The following KIF21B variants were observed in gnomAD, a reference collection of about 807,000 sequenced individuals.
The protein encoded by KIF21B is kinesin family member 21B.
In KIF21B, 85 loss-of-function variants were observed where a neutral mutation model predicts 192.9. The observed-to-expected ratio is 0.44, with a 90% CI of 0.37 to 0.53. The LOEUF is 0.53. KIF21B is among the 20% of genes least tolerant of loss of function. KIF21B has a pLI of 0.00. For missense variants in KIF21B, 1,716 were observed against 2,194.8 expected, an observed-to-expected ratio of 0.78 and a Z score of 4.36; for synonymous variants, 832 against 884.6, an observed-to-expected ratio of 0.94 and a Z score of 1.05.
chr1:200,985,582 A>G lies in KIF21B; in HGVS notation c.3690-610T>C, dbSNP rs556112646. On this transcript the variant is annotated intron_variant, in intron 26 of 34. Coordinates refer to ENST00000461742, the MANE Select transcript of KIF21B (RefSeq NM_001252102.2). ...CCCACTATTTAGCTGTGTGCCACCA[A>G]ACCTCTTAATTAAGTGCATGGACCA... Among the ~76,000 whole-genome samples the G allele has an allele frequency of 3.3e-5, 5 of 152,212 alleles. No homozygotes were observed. In the East Asian group the frequency reaches 9.7e-4, roughly 29 times the overall value.
rs778381570 is a variant in KIF21B at position 200,990,110 on chromosome 1, G to A, written c.3030+28C>T. On this transcript the variant is annotated intron_variant, in intron 20 of 34. Coordinates refer to ENST00000461742, the MANE Select transcript of KIF21B (RefSeq NM_001252102.2). This position sits in a 1 kb window ranked among gnomAD's most constrained non-coding sequence, Gnocchi z 5.4. ...CCTGCCACCCATCTCTCCCGCCTCC[G>A]CCCCAGCAGGCCCAGCCCTGCGGAT... 2.0e-5 allele frequency: 32 copies of A among 1,610,388 alleles called. No individual in the cohort carries two copies. The highest frequency in any genetic ancestry group is 3.3e-4 in the Middle Eastern group (2 of 6,046).
intron 1 of KIF21B, among the ~76,000 whole-genome samples, chr1:201,014,526 G>A (rs962560828): frequency 6.6e-6 from 1 of 152,232 alleles, no homozygotes; most frequent in African/African-American, 2.4e-5. Context: ...ATCTGGGCAC[G>A]TGCTGGGAGC....
Position 200,977,200 on chromosome 1 carries a change from T to C in KIF21B, c.4325+12A>G. 1.2e-6 allele frequency: 2 copies of C among 1,604,566 alleles called. No individual in the cohort carries two copies. Among genetic ancestry groups the C allele is most frequent in the South Asian group, 1.1e-5 (1 of 90,666 alleles). On this transcript the variant is annotated intron_variant, in intron 31 of 34. Transcript: ENST00000461742. The stretch of plus-strand genomic sequence containing the variant: ...TGCCAAACCCTCCTCCCTCCCCAGG[T>C]ATCACGCTGACCTGCTAAGCTCCCA...
rs759787273 is a variant in KIF21B at position 201,000,557 on chromosome 1, G to C, written c.1518C>G (p.Leu506=). ...AGGGGCTCCTAGCCGAGGCCCGTGA[G>C]AGGCTGCGGCGCAGGGACTCGTTCA... ...EAMNESLRRS[L]SRASARSPYS... The change falls in exon 11 of 35, where the codon CTC becomes CTG. Residue 506 remains leucine (L), a synonymous_variant. Coordinates refer to ENST00000461742, the MANE Select transcript of KIF21B (RefSeq NM_001252102.2). The surrounding 1 kb of genome is among the most constrained non-coding windows in gnomAD (Gnocchi z 6.0). 1.2e-6 allele frequency: 2 copies of C among 1,613,276 alleles called. No individual in the cohort carries two copies. The highest frequency in any genetic ancestry group is 1.7e-6 in the Non-Finnish European group (2 of 1,179,718).
intron 3 of KIF21B, among the ~76,000 whole-genome samples, chr1:201,006,540 T>C (rs916974836): frequency 1.3e-5 from 2 of 151,896 alleles, no homozygotes; most frequent in African/African-American, 4.8e-5. Context: ...ATACCCCACA[T>C]GAATGGGGAA....
chr1:201,007,909 C>A (rs943466010), intron 3 of KIF21B, among the ~76,000 whole-genome samples: 1 of 152,166 alleles, frequency 6.6e-6, no homozygotes, highest in Non-Finnish European at 1.5e-5. Flanking sequence ...GTCCATTTAT[C>A]AGAAGCGAAA....
intron 1 of KIF21B, among the ~76,000 whole-genome samples, chr1:201,009,883 T>A (rs1658131177): frequency 6.6e-6 from 1 of 152,174 alleles, no homozygotes. Context: ...TGGCGCCATG[T>A]CCAGGTCTGT....
chr1:201,023,482 C>G lies in KIF21B; in HGVS notation c.-99G>C. ...CGGCTGCGGGAGGCGGGGGCGCGGG[C>G]GCGGCTGGCGGAGGCTGCGGCGGCG... On this transcript the variant is annotated 5_prime_UTR_variant, in exon 1 of 35. Coordinates refer to ENST00000461742, the MANE Select transcript of KIF21B (RefSeq NM_001252102.2). This position sits in a 1 kb window ranked among gnomAD's most constrained non-coding sequence, Gnocchi z 5.9. 2 of 910,528 alleles carry G rather than the reference C, an allele frequency of 2.2e-6. No individual in the cohort carries two copies. Among genetic ancestry groups the G allele is most frequent in the Non-Finnish European group, 2.9e-6 (2 of 696,598 alleles). The allele number at this position is 910,528 out of a possible 1,614,324, so 56.4% of individuals were successfully genotyped here.
chr1:200,977,954 G>A (rs1043122462), intron 30 of KIF21B, among the ~76,000 whole-genome samples: 14 of 151,942 alleles, frequency 9.2e-5, no homozygotes, highest in African/African-American at 2.7e-4. Context: ...GGCTGGTCTC[G>A]AACTCCCGAC....
Position 200,999,764 on chromosome 1 carries a change from C to T in KIF21B, c.1767+119G>A. On this transcript the variant is annotated intron_variant, in intron 12 of 34. Coordinates refer to ENST00000461742, the MANE Select transcript of KIF21B (RefSeq NM_001252102.2). The surrounding 1 kb of genome is among the most constrained non-coding windows in gnomAD (Gnocchi z 4.7). ...AGATATAAGGAAGTACAAGGATCAA[C>T]TGGATGCAGACCCAACCGCCTCCTT... is the stretch of plus-strand genomic sequence containing the variant. 9.6e-7 allele frequency: 1 copy of T among 1,045,286 alleles called. No individual in the cohort carries two copies. Among genetic ancestry groups the T allele is most frequent in the Middle Eastern group, 2.0e-4 (1 of 4,884 alleles). 64.8% of individuals were successfully genotyped at this position (1,045,286 alleles called of 1,614,324 possible).
chr1:200,998,801 A>AG lies in KIF21B; in HGVS notation c.1886-227dup, dbSNP rs1041530480. 7.2e-6 allele frequency among the ~76,000 whole-genome samples: 1 copy of AG among 139,670 alleles called. No homozygotes were observed. Among genetic ancestry groups the AG allele is most frequent in the African/African-American group, 2.7e-5 (1 of 37,360 alleles). The allele number at this position is 139,670 out of a possible 152,430, so 91.6% of individuals were successfully genotyped here. A position where few individuals can be genotyped will look rare whatever the true frequency, so the allele number is the denominator to read the frequency against. ...GGCAAGGTAGGGCTCAGGAGCTGGCAGGGGGGATCTACACGTCCTTCCCAG... is the reference window on the plus strand; with the variant it reads ...GGCAAGGTAGGGCTCAGGAGCTGGCAGGGGGGGATCTACACGTCCTTCCCAG... On this transcript the variant is annotated intron_variant, in intron 13 of 34. Transcript: ENST00000461742. This position sits in a 1 kb window ranked among gnomAD's most constrained non-coding sequence, Gnocchi z 4.3.
rs1217997807 is a variant in KIF21B at position 200,971,950 on chromosome 1, G to C, written c.*1571C>G. 6.6e-6 allele frequency: 1 copy of C among 151,982 alleles called. No homozygotes were observed. The highest frequency in any genetic ancestry group is 1.5e-5 in the Non-Finnish European group (1 of 68,024). 9.4% of individuals were successfully genotyped at this position (151,982 alleles called of 1,614,324 possible). A position where few individuals can be genotyped will look rare whatever the true frequency, so the allele number is the denominator to read the frequency against. ...AGAACCACCTCTGGAAAGTCCAAAAGTCACTGCGTCCTCTGAAGGGAGGTG... is the reference window on the plus strand; with the variant it reads ...AGAACCACCTCTGGAAAGTCCAAAACTCACTGCGTCCTCTGAAGGGAGGTG... On this transcript the variant is annotated 3_prime_UTR_variant, in exon 35 of 35. Transcript: ENST00000461742.
chr1:201,006,875 GAC>G (rs1434979312), intron 3 of KIF21B, among the ~76,000 whole-genome samples: 3 of 140,644 alleles, frequency 2.1e-5, no homozygotes, highest in African/African-American at 5.3e-5. Flanking sequence ...CACACACACA[GAC>G]ACAGAGACAC....
chr1:201,023,336 TCC>T lies in KIF21B; in HGVS notation c.41+5_41+6del, dbSNP rs1658976004. 1.3e-6 allele frequency: 2 copies of T among 1,528,268 alleles called. No homozygotes were observed. The highest frequency in any genetic ancestry group is 2.0e-5 in the Admixed American group (1 of 49,046). The allele number at this position is 1,528,268 out of a possible 1,614,324, so 94.7% of individuals were successfully genotyped here. ...CGCGCGCCCCCTTCCCCGCCCCGGG[TCC>T]CTACCTGACGGCCACCTTGACGCAG... On this transcript the variant is annotated splice_donor_5th_base_variant and intron_variant, in intron 1 of 34. Transcript: ENST00000461742. The surrounding 1 kb of genome is among the most constrained non-coding windows in gnomAD (Gnocchi z 5.9).
intron 15 of KIF21B, among the ~76,000 whole-genome samples, chr1:200,993,295 A>G (rs1035236601): frequency 4.6e-5 from 7 of 152,190 alleles, no homozygotes; most frequent in African/African-American, 1.4e-4. Context: ...GGCATAAGGA[A>G]CACATGACAG....
intron 1 of KIF21B, among the ~76,000 whole-genome samples, chr1:201,021,187 A>T (rs1658799996): frequency 6.6e-6 from 1 of 152,186 alleles, no homozygotes; most frequent in Non-Finnish European, 1.5e-5. Context: ...CACTGGTACC[A>T]TCTGCTCTCC....
intron 1 of KIF21B, among the ~76,000 whole-genome samples, chr1:201,014,097 A>G (rs1658372077): frequency 6.6e-6 from 1 of 152,176 alleles, no homozygotes; most frequent in Admixed American, 6.5e-5. Flanking sequence ...CGCGAGAGCG[A>G]GGAGAAAGGG....
chr1:201,023,338 C>G lies in KIF21B; in HGVS notation c.41+5G>C, dbSNP rs1217959008. The G allele has an allele frequency of 1.3e-6, 2 of 1,530,146 alleles. No homozygotes were observed. Among genetic ancestry groups the G allele is most frequent in the South Asian group, 2.4e-5 (2 of 82,282 alleles). 94.8% of individuals were successfully genotyped at this position (1,530,146 alleles called of 1,614,324 possible). A position where few individuals can be genotyped will look rare whatever the true frequency, so the allele number is the denominator to read the frequency against. Reference sequence around the variant, plus strand: ...CGCGCCCCCTTCCCCGCCCCGGGTCCCTACCTGACGGCCACCTTGACGCAG... The same window carrying G: ...CGCGCCCCCTTCCCCGCCCCGGGTCGCTACCTGACGGCCACCTTGACGCAG... On this transcript the variant is annotated splice_donor_5th_base_variant and intron_variant, in intron 1 of 34. Coordinates refer to ENST00000461742, the MANE Select transcript of KIF21B (RefSeq NM_001252102.2). The surrounding 1 kb of genome is among the most constrained non-coding windows in gnomAD (Gnocchi z 5.9).
intron 30 of KIF21B, among the ~76,000 whole-genome samples, chr1:200,979,278 G>A (rs761575014): frequency 2.0e-5 from 3 of 152,174 alleles, no homozygotes; most frequent in Non-Finnish European, 4.4e-5. Context: ...CAAGGGGCAG[G>A]GCTTGGGGGA....
Sources: gnomAD v4.1 joint callset for allele counts (sites outside exome capture counted in the v4.1 genomes callset) on GRCh38, gnomAD v4.1.1 for gene constraint, Gnocchi (gnomAD v3.1) non-coding constraint, MANE v1.5 for transcripts, NCBI Gene and HGNC (gene_info 2026-07-23, HGNC 2026-07-21) for gene names.